Variants in WDFY2 observed in about 807,000 individuals in gnomAD.
WDFY2 encodes the protein WD repeat and FYVE domain containing 2, also known as WD repeat and FYVE domain-containing protein 2.
In WDFY2, 36 loss-of-function variants were observed where a neutral mutation model predicts 56.4. The observed-to-expected ratio is 0.64, with a 90% CI of 0.49 to 0.84. The LOEUF (loss-of-function observed/expected upper bound fraction) is 0.84, where lower values mean the gene tolerates loss of function less well. Ranked by LOEUF, WDFY2 falls within the 40% of genes least tolerant of loss-of-function variation. The pLI, the probability that WDFY2 is intolerant of heterozygous loss-of-function variation, is 0.00. For synonymous variants in WDFY2, 176 were observed against 183.7 expected (o/e 0.96, Z 0.34); for missense variants, 444 against 512.2 (o/e 0.87, Z 1.29).
chr13:51,726,167 A>G (rs1952600565), intron 5 of WDFY2, among the ~76,000 whole-genome samples: 1 of 152,146 alleles, frequency 6.6e-6, no homozygotes, highest in Non-Finnish European at 1.5e-5. Context: ...ACACATTTGT[A>G]TTTCTCTCTG....
intron 6 of WDFY2, among the ~76,000 whole-genome samples, chr13:51,729,241 C>T (rs1345388029): frequency 1.3e-5 from 2 of 152,032 alleles, no homozygotes; most frequent in Non-Finnish European, 2.9e-5. Context: ...TACCATTGCA[C>T]ACTCACGATT....
chr13:51,586,143 C>T (rs1007884311), intron 1 of WDFY2: 54 of 398,138 alleles, frequency 1.4e-4, no homozygotes, highest in Middle Eastern at 1.2e-3. Flanking sequence ...CACAGAGAAG[C>T]CTTATGAGAA....
intron 1 of WDFY2, chr13:51,586,382 G>A (rs918592169): frequency 3.8e-6 from 1 of 262,004 alleles, no homozygotes; most frequent in Non-Finnish European, 7.1e-6. Context: ...AAAAGGAGAA[G>A]GGTAGTTAAA....
intron 1 of WDFY2, among the ~76,000 whole-genome samples, chr13:51,604,175 G>A (rs1356684330): frequency 6.6e-6 from 1 of 152,150 alleles, no homozygotes; most frequent in Non-Finnish European, 1.5e-5. Context: ...CCAGTCTTTT[G>A]TGCTGTAAAG....
At chr13:51,735,664 C>T (rs902112278) in intron 6 of WDFY2, among the ~76,000 whole-genome samples, 1 of 152,194 alleles carries the variant, frequency 6.6e-6, no homozygotes, top group Non-Finnish European at 1.5e-5. Context: ...CTGAGCCTAG[C>T]ACAGTTCCTC....
intron 4 of WDFY2, among the ~76,000 whole-genome samples, chr13:51,712,540 A>T (rs1347993821): frequency 2.0e-5 from 3 of 152,196 alleles, no homozygotes; most frequent in Non-Finnish European, 2.9e-5. Context: ...TATATTAGAA[A>T]ACAAGAAGGG....
chr13:51,649,346 G>T (rs1955322996), intron 1 of WDFY2, among the ~76,000 whole-genome samples: 1 of 151,960 alleles, frequency 6.6e-6, no homozygotes, highest in African/African-American at 2.4e-5. Flanking sequence ...GGTGCATTTG[G>T]CCCTGTCCTG....
At chr13:51,742,841 C>T (rs1022183546) in intron 7 of WDFY2, among the ~76,000 whole-genome samples, 2 of 152,300 alleles carry the variant, frequency 1.3e-5, no homozygotes, top group African/African-American at 4.8e-5. Flanking sequence ...CTTTCTCCTT[C>T]CAAAATCCAA....
At chr13:51,609,571 A>G (rs1035393827) in intron 1 of WDFY2, among the ~76,000 whole-genome samples, 1 of 151,440 alleles carries the variant, frequency 6.6e-6, no homozygotes, top group African/African-American at 2.4e-5. Flanking sequence ...AAAACAAAAC[A>G]AAACAAACAA....
intron 6 of WDFY2, among the ~76,000 whole-genome samples, chr13:51,728,225 A>G (rs895098795): frequency 4.6e-5 from 7 of 152,168 alleles, no homozygotes; most frequent in African/African-American, 1.4e-4. Context: ...AAAGACAGAT[A>G]TACTCTTCAT....
rs180989665 is a variant in WDFY2 at position 51,710,908 on chromosome 13, T to C, written c.334+7258T>C. Reference sequence around the variant, plus strand: ...AATGCCATCTCCATCAAGCTACCAATGACTTTCTTCACAGAATTGGAAAAA... The same window carrying C: ...AATGCCATCTCCATCAAGCTACCAACGACTTTCTTCACAGAATTGGAAAAA... On this transcript the variant is annotated intron_variant, in intron 4 of 11. Coordinates refer to ENST00000298125, the MANE Select transcript of WDFY2 (RefSeq NM_052950.4). 1.1e-3 allele frequency among the ~76,000 whole-genome samples: 170 copies of C among 152,286 alleles called. 2 individuals are homozygous for C. In the East Asian group the frequency reaches 0.027, roughly 24 times the overall value.
rs567827859 is a variant in WDFY2, at chr13:51,760,604, C to G, written c.*835C>G. The G allele has an allele frequency of 6.6e-6, 1 of 152,152 alleles. No individual in the cohort carries two copies. Among genetic ancestry groups the G allele is most frequent in the African/African-American group, 2.4e-5 (1 of 41,420 alleles). The allele number at this position is 152,152 out of a possible 1,614,324, so 9.4% of individuals were successfully genotyped here. A position where few individuals can be genotyped will look rare whatever the true frequency, so the allele number is the denominator to read the frequency against. On this transcript the variant is annotated 3_prime_UTR_variant, in exon 12 of 12. Transcript: ENST00000298125. ...TCTTGTTTTAGCTTTTTTGACGCAG[C>G]TCTCCCTCACTCGTAACAATGAAAA... is the stretch of plus-strand genomic sequence containing the variant.
At chr13:51,752,218 A>C (rs182709880) in intron 8 of WDFY2, among the ~76,000 whole-genome samples, 146 of 152,324 alleles carry the variant, frequency 9.6e-4, no homozygotes, top group African/African-American at 3.4e-3. Flanking sequence ...CCACAATGTC[A>C]TGCCTTTTCA....
intron 7 of WDFY2, among the ~76,000 whole-genome samples, chr13:51,744,591 A>G (rs1183838035): frequency 6.6e-6 from 1 of 152,226 alleles, no homozygotes; most frequent in African/African-American, 2.4e-5. Context: ...GACCTGACAG[A>G]CATATGTTGC....
At chr13:51,686,648 A>G (rs548278693) in intron 3 of WDFY2, among the ~76,000 whole-genome samples, 40 of 152,270 alleles carry the variant, frequency 2.6e-4, no homozygotes, top group African/African-American at 8.2e-4. Context: ...CTGAAAATAT[A>G]TGAATTTAAA....
intron 1 of WDFY2, chr13:51,586,882 T>A (rs1013944283): frequency 2.0e-5 from 3 of 152,216 alleles, no homozygotes; most frequent in African/African-American, 7.2e-5. Flanking sequence ...CTTTGGGTCA[T>A]ATACTCAAAC....
At chr13:51,700,585 TG>T (rs1410208414) in intron 3 of WDFY2, among the ~76,000 whole-genome samples, 1 of 152,238 alleles carries the variant, frequency 6.6e-6, no homozygotes, top group African/African-American at 2.4e-5. Flanking sequence ...GAAATACTGC[TG>T]GAGACATATA....
intron 7 of WDFY2, among the ~76,000 whole-genome samples, chr13:51,739,662 T>A (rs897907524): frequency 6.6e-6 from 1 of 152,216 alleles, no homozygotes; most frequent in Non-Finnish European, 1.5e-5. Context: ...CAGGCTCTTT[T>A]TCCTTAAAGG....
chr13:51,704,679 A>G, intron 4 of WDFY2, among the ~76,000 whole-genome samples: 1 of 152,102 alleles, frequency 6.6e-6, no homozygotes, highest in East Asian at 1.9e-4. Context: ...TTTCCAGCCT[A>G]TATATTTTAC....
Sources: gnomAD v4.1 joint callset for allele counts (sites outside exome capture counted in the v4.1 genomes callset) on GRCh38, gnomAD v4.1.1 for gene constraint, MANE v1.5 for transcripts, NCBI Gene and HGNC (gene_info 2026-07-23, HGNC 2026-07-21) for gene names.